RFT1: variants seen among roughly 807,000 people sequenced by gnomAD.
RFT1 encodes RFT1 glycolipid translocator homolog.
RFT1 carries 43 observed loss-of-function variants against 62.2 expected under a neutral mutation model. The observed-to-expected ratio is 0.69, with a 90% CI of 0.54 to 0.89. The LOEUF is 0.89. Among genes scored for constraint, RFT1 ranks in the 40% least tolerant of loss-of-function variants. The pLI is 0.00. For synonymous variants in RFT1, 262 were observed against 264.6 expected, an observed-to-expected ratio of 0.99 and a Z score of 0.10; for missense variants, 605 against 649.9, an observed-to-expected ratio of 0.93 and a Z score of 0.75.
intron 6 of RFT1, among the ~76,000 whole-genome samples, chr3:53,117,737 A>T (rs1044897603): frequency 1.3e-5 from 2 of 152,184 alleles, no homozygotes; most frequent in African/African-American, 4.8e-5. Context: ...GTTGTCACTT[A>T]AGGATACCCA....
chr3:53,098,236 C>G (rs1484031958), intron 11 of RFT1, among the ~76,000 whole-genome samples: 2 of 152,204 alleles, frequency 1.3e-5, no homozygotes, highest in African/African-American at 4.8e-5. Flanking sequence ...CTGGCTCAAG[C>G]CTTCTAAGAT....
chr3:53,109,338 C>A lies in RFT1; in HGVS notation c.776-2469G>T, dbSNP rs572199486. Among the ~76,000 whole-genome samples, 11 of 152,300 alleles carry A rather than the reference C, an allele frequency of 7.2e-5. No individual in the cohort carries two copies. The South Asian group carries it at 1.9e-3, about 26-fold the overall frequency. On this transcript the variant is annotated intron_variant, in intron 7 of 12. Coordinates refer to ENST00000296292, the MANE Select transcript of RFT1 (RefSeq NM_052859.4). ...GCTCTAGGAAATGAGTTTCCAAGTA[C>A]CACACACCTCACAGCCAAGTAACAG...
At chr3:53,123,560 T>C (rs1025398570) in intron 3 of RFT1, among the ~76,000 whole-genome samples, 164 bp downstream of exon 3, 7 of 152,230 alleles carry the variant, frequency 4.6e-5, no homozygotes, top group African/African-American at 1.4e-4. Flanking sequence ...AGAAGTTCCT[T>C]TGACACAAAC....
chr3:53,127,109 G>C (rs551898467), intron 1 of RFT1, among the ~76,000 whole-genome samples: 6 of 152,282 alleles, frequency 3.9e-5, no homozygotes, highest in African/African-American at 1.4e-4. Flanking sequence ...CAGCTCTGTA[G>C]CTGCTCCTTA....
chr3:53,105,452 A>T (rs909665140), intron 9 of RFT1, among the ~76,000 whole-genome samples: 2 of 149,282 alleles, frequency 1.3e-5, no homozygotes, highest in Non-Finnish European at 3.0e-5. Flanking sequence ...ACAACGAATA[A>T]CAAAGGTGTG....
chr3:53,085,561 C>T (rs1700837453), downstream of RFT1, among the ~76,000 whole-genome samples: 1 of 152,242 alleles, frequency 6.6e-6, no homozygotes, highest in South Asian at 2.1e-4. Flanking sequence ...AGCCACCACT[C>T]TTGTGTCCTT....
rs59936858 is a variant in RFT1 at position 53,100,353 on chromosome 3, C to T, written c.1103-867G>A. On this transcript the variant is annotated intron_variant, in intron 10 of 12. Transcript: ENST00000296292. ...AGGCTTACAAATGGGATTGATTCCCCCCTTTTAAGAGGGCCATAATCAAGC... is the reference window on the plus strand; with the variant it reads ...AGGCTTACAAATGGGATTGATTCCCTCCTTTTAAGAGGGCCATAATCAAGC... Among the ~76,000 whole-genome samples, 91 of 152,288 alleles carry T rather than the reference C, an allele frequency of 6.0e-4. No homozygotes were observed. The East Asian group carries it at 0.017, about 28-fold the overall frequency.
intron 7 of RFT1, among the ~76,000 whole-genome samples, chr3:53,111,105 T>A (rs898774673): frequency 2.0e-5 from 3 of 152,126 alleles, no homozygotes; most frequent in Non-Finnish European, 4.4e-5. Context: ...TAAAATGATA[T>A]AAATAAATGA....
chr3:53,082,509 T>C, the RFT1 span, among the ~76,000 whole-genome samples: 1 of 151,448 alleles, frequency 6.6e-6, no homozygotes, highest in African/African-American at 2.4e-5. Flanking sequence ...ACAATAATGA[T>C]AATAATAATA....
intron 7 of RFT1, among the ~76,000 whole-genome samples, chr3:53,109,576 G>A (rs1361473370): frequency 6.6e-6 from 1 of 152,174 alleles, no homozygotes; most frequent in East Asian, 1.9e-4. Context: ...TTGGGAGGCC[G>A]AGGCAGGAGG....
At chr3:53,104,217 G>A (rs1166473529) in intron 9 of RFT1, 120 bp from the exon 10 acceptor site, 1 of 986,174 alleles carries the variant, frequency 1.0e-6, no homozygotes, top group African/African-American at 1.6e-5. Flanking sequence ...CAGCGTGATG[G>A]ATATCACTAT....
intron 10 of RFT1, among the ~76,000 whole-genome samples, chr3:53,101,626 A>G (rs1313332044): frequency 1.3e-5 from 2 of 152,198 alleles, no homozygotes; most frequent in Non-Finnish European, 2.9e-5. Flanking sequence ...TAATGTCCTG[A>G]CCAGTGGTAC....
intron 4 of RFT1, 49 bp downstream of exon 4, chr3:53,122,325 C>T (rs775961140): frequency 3.2e-6 from 5 of 1,565,480 alleles, no homozygotes; most frequent in East Asian, 2.2e-5. Flanking sequence ...AAAAACAACG[C>T]TTTTTCTTAT....
Position 53,099,386 on chromosome 3 carries a change from G to C in RFT1, c.1203C>G (p.Val401=). Residue 401 remains valine, a synonymous_variant, in exon 11 of 13, where the codon GTC becomes GTG. Transcript: ENST00000296292. ...FTFAAMSKEE[V]DRYNFVMLAL... ...GTACCTGCTAGGTTACCCACCTGTC[G>C]ACCTCCTCTTTGCTCATGGCAGCAA... The C allele has an allele frequency of 6.2e-7, 1 of 1,613,308 alleles. No individual in the cohort carries two copies. Among genetic ancestry groups the C allele is most frequent in the South Asian group, 1.1e-5 (1 of 91,046 alleles).
chr3:53,101,513 G>A (rs541588864), intron 10 of RFT1, among the ~76,000 whole-genome samples: 10 of 152,286 alleles, frequency 6.6e-5, no homozygotes, highest in African/African-American at 2.2e-4. Flanking sequence ...TCACGTAAAG[G>A]GTTTTGTGTC....
At chr3:53,079,847 G>A in the RFT1 span, among the ~76,000 whole-genome samples, 2 of 152,114 alleles carry the variant, frequency 1.3e-5, no homozygotes, top group Non-Finnish European at 2.9e-5. Flanking sequence ...ATCAGTGTTT[G>A]CAACAAAACA....
intron 6 of RFT1, among the ~76,000 whole-genome samples, chr3:53,112,945 C>G (rs1280186904): frequency 1.3e-5 from 2 of 152,142 alleles, no homozygotes; most frequent in Admixed American, 6.5e-5. Flanking sequence ...CCACAGTTCT[C>G]TCTGGGGCCC....
intron 3 of RFT1, among the ~76,000 whole-genome samples, chr3:53,122,770 A>G (rs1488087831): frequency 6.6e-6 from 1 of 152,216 alleles, no homozygotes; most frequent in Non-Finnish European, 1.5e-5. Flanking sequence ...CTCCATTAAA[A>G]AAATGAAACT....
the RFT1 span, among the ~76,000 whole-genome samples, chr3:53,083,239 C>T: frequency 8.1e-6 from 1 of 124,180 alleles, no homozygotes; most frequent in African/African-American, 3.1e-5. Flanking sequence ...AGGCTGGGAG[C>T]AGTGGCTCAC....
Sources: allele counts gnomAD v4.1 joint callset (sites outside exome capture counted in the v4.1 genomes callset), GRCh38; gene constraint gnomAD v4.1.1; transcripts MANE v1.5; gene names NCBI Gene and HGNC (gene_info 2026-07-23, HGNC 2026-07-21).